DCBLD2: variants seen among roughly 807,000 people sequenced by gnomAD.
DCBLD2 encodes the protein discoidin, CUB and LCCL domain-containing protein 2.
DCBLD2 carries 54 observed loss-of-function variants against 86.8 expected under a neutral mutation model. The ratio of observed to expected loss-of-function variants is 0.62; its 90% confidence interval spans 0.50 to 0.78. DCBLD2 has a LOEUF of 0.78. Ranked by LOEUF, DCBLD2 falls within the 30% of genes least tolerant of loss-of-function variation. The pLI, the probability that DCBLD2 is intolerant of heterozygous loss-of-function variation, is 0.00. For missense variants in DCBLD2, 908 were observed against 954.2 expected (o/e 0.95, Z 0.64); for synonymous variants, 354 against 341.3 (o/e 1.04, Z -0.41).
At chr3:98,817,672 C>A in intron 9 of DCBLD2, 97 bp downstream of exon 9, 1 of 1,247,682 alleles carries the variant, frequency 8.0e-7, no homozygotes, top group Non-Finnish European at 1.1e-6. Flanking sequence ...ATAAGACATT[C>A]TAAACTTCTA....
At chr3:98,866,501 A>G (rs890761742) in intron 2 of DCBLD2, among the ~76,000 whole-genome samples, 1 of 152,178 alleles carries the variant, frequency 6.6e-6, no homozygotes, top group Non-Finnish European at 1.5e-5. Context: ...GGCTGCATAA[A>G]TGTCTTCTTT....
In DCBLD2 at chr3:98,797,036, TAAAAAAAA is replaced by T. The variant is rs56369137; in HGVS notation, c.*2328_*2335del. 2.2e-5 allele frequency: 3 copies of T among 133,386 alleles called. No homozygotes were observed. The highest frequency in any genetic ancestry group is 4.8e-5 in the Non-Finnish European group (3 of 62,668). 8.3% of individuals were successfully genotyped at this position (133,386 alleles called of 1,614,324 possible). On this transcript the variant is annotated 3_prime_UTR_variant, in exon 16 of 16. Transcript: ENST00000326840. ...ATATGTATCAGACATATAAATGTAG[TAAAAAAAA>T]AAAAAAAAAAAATAGAAAACCTCTA...
chr3:98,821,818 C>A (rs887918458), intron 6 of DCBLD2, among the ~76,000 whole-genome samples: 1 of 152,012 alleles, frequency 6.6e-6, no homozygotes, highest in South Asian at 2.1e-4. Context: ...GTGGCCGAGG[C>A]GGGTGGATCA....
intron 2 of DCBLD2, among the ~76,000 whole-genome samples, chr3:98,863,833 C>A (rs1309268710): frequency 6.6e-6 from 1 of 152,120 alleles, no homozygotes; most frequent in Admixed American, 6.5e-5. Flanking sequence ...AAAGCAATGG[C>A]AACAAAAGCC....
chr3:98,808,744 A>AT (rs1300794483), intron 12 of DCBLD2, among the ~76,000 whole-genome samples: 1 of 152,146 alleles, frequency 6.6e-6, no homozygotes, highest in Non-Finnish European at 1.5e-5. Context: ...GGAAACAGTT[A>AT]TTTTTTAATG....
intron 10 of DCBLD2, 129 bp from the exon 11 acceptor site, chr3:98,811,683 G>T (rs1395817806): frequency 1.3e-5 from 11 of 863,134 alleles, no homozygotes; most frequent in Non-Finnish European, 1.4e-5. Context: ...CTCTCAGAGA[G>T]AAATATATTG....
intron 2 of DCBLD2, among the ~76,000 whole-genome samples, chr3:98,851,535 T>C (rs546665920): frequency 1.3e-5 from 2 of 152,130 alleles, no homozygotes; most frequent in African/African-American, 4.8e-5. Flanking sequence ...TTCAATGCTA[T>C]CCCCATCAAG....
intron 14 of DCBLD2, chr3:98,801,378 A>G: frequency 2.2e-6 from 1 of 460,068 alleles, no homozygotes; most frequent in South Asian, 5.2e-5. Context: ...GAAAAAGAAC[A>G]GAGCTTGTTT....
At chr3:98,877,588 T>C (rs1018401930) in intron 2 of DCBLD2, among the ~76,000 whole-genome samples, 1 of 7,896 alleles carries the variant, frequency 1.3e-4, no homozygotes. Flanking sequence ...TATAAAAAGA[T>C]ATAACAGGTA....
At chr3:98,832,870 T>C (rs1166407851) in intron 3 of DCBLD2, among the ~76,000 whole-genome samples, 1 of 152,184 alleles carries the variant, frequency 6.6e-6, no homozygotes, top group Non-Finnish European at 1.5e-5. Flanking sequence ...TTTAACATTC[T>C]TTTATTTAGA....
intron 9 of DCBLD2, chr3:98,814,249 C>T (rs1179308766): frequency 3.3e-5 from 5 of 152,072 alleles, no homozygotes; most frequent in Non-Finnish European, 1.5e-5. Flanking sequence ...AGTGAGCTCC[C>T]GTGATTTCCT....
At chr3:98,852,466 A>G (rs1942857315) in intron 2 of DCBLD2, among the ~76,000 whole-genome samples, 2 of 152,098 alleles carry the variant, frequency 1.3e-5, no homozygotes, top group Admixed American at 1.3e-4. Context: ...AGGCTGGTCT[A>G]GAACTCCTGA....
At chr3:98,801,338 C>T in intron 14 of DCBLD2, 1 of 420,926 alleles carries the variant, frequency 2.4e-6, no homozygotes, top group South Asian at 6.2e-5. Flanking sequence ...GAAACAGATA[C>T]ACAGGACAAA....
At chr3:98,842,585 A>G (rs1942640383) in intron 3 of DCBLD2, among the ~76,000 whole-genome samples, 1 of 152,268 alleles carries the variant, frequency 6.6e-6, no homozygotes, top group Non-Finnish European at 1.5e-5. Flanking sequence ...GTTTCTCTTA[A>G]GAATATAACA....
At chr3:98,800,453 C>A in intron 15 of DCBLD2, 126 bp downstream of exon 15, 1 of 1,102,826 alleles carries the variant, frequency 9.1e-7, no homozygotes, top group Non-Finnish European at 1.3e-6. Flanking sequence ...AGTGGTTCTA[C>A]CTTTAGGAAA....
rs1200266350 is a variant in DCBLD2 at position 98,901,477 on chromosome 3, A to AC, written c.-152dup. The AC allele has an allele frequency of 1.2e-5, 9 of 723,700 alleles. No homozygotes were observed. The highest frequency in any genetic ancestry group is 1.3e-5 in the Non-Finnish European group (7 of 527,996). The allele number at this position is 723,700 out of a possible 1,614,324, so 44.8% of individuals were successfully genotyped here. ...CCGCGCCGGGACCCTTCCGCCCCTC[A>AC]CCCCGCTTTCACCTACTCCTCCTTC... On this transcript the variant is annotated 5_prime_UTR_variant, in exon 1 of 16. Coordinates refer to ENST00000326840, the MANE Select transcript of DCBLD2 (RefSeq NM_080927.4).
At position 98,816,423 on chromosome 3, in the gene DCBLD2, G is replaced by A. The variant is rs887225909; in HGVS notation, c.1212+1346C>T. On this transcript the variant is annotated intron_variant, in intron 9 of 15. Coordinates refer to ENST00000326840, the MANE Select transcript of DCBLD2 (RefSeq NM_080927.4). Reference sequence around the variant, plus strand: ...CCAAAAATTTAGCTATATTCCACAAGCAAAATAAATGTGATACAAATGAAT... The same window carrying A: ...CCAAAAATTTAGCTATATTCCACAAACAAAATAAATGTGATACAAATGAAT... The A allele has an allele frequency of 2.6e-5, 4 of 152,188 alleles. No homozygotes were observed. The South Asian group carries it at 6.2e-4, about 24-fold the overall frequency. 9.4% of individuals were successfully genotyped at this position (152,188 alleles called of 1,614,324 possible). A position where few individuals can be genotyped will look rare whatever the true frequency, so the allele number is the denominator to read the frequency against.
chr3:98,836,730 C>T (rs1476492700), intron 3 of DCBLD2, among the ~76,000 whole-genome samples: 1 of 32,952 alleles, frequency 3.0e-5, no homozygotes, highest in African/African-American at 5.7e-5. Context: ...GGGGGCTGAC[C>T]CCCCCATCTC....
intron 9 of DCBLD2, chr3:98,814,351 C>T (rs1365015769): frequency 6.6e-6 from 1 of 152,142 alleles, no homozygotes; most frequent in African/African-American, 2.4e-5. Flanking sequence ...TACTTTAACA[C>T]ATAAAAACTA....
Sources: allele counts gnomAD v4.1 joint callset (sites outside exome capture counted in the v4.1 genomes callset), GRCh38; gene constraint gnomAD v4.1.1; transcripts MANE v1.5; gene names NCBI Gene and HGNC (gene_info 2026-07-23, HGNC 2026-07-21).